Variants in TRAPPC9 observed in about 807,000 individuals in gnomAD.
TRAPPC9 encodes IKK2 binding protein.
A neutral mutation model predicts 124.0 loss-of-function variants in TRAPPC9; 83 were observed. The observed-to-expected ratio is 0.67, with a 90% CI of 0.56 to 0.80. TRAPPC9 has a LOEUF of 0.80. Among genes scored for constraint, TRAPPC9 ranks in the 30% least tolerant of loss-of-function variants. TRAPPC9 has a pLI of 0.00. For synonymous variants in TRAPPC9, 638 were observed against 617.5 expected (o/e 1.03, Z -0.49); for missense variants, 1,302 against 1,508.3 (o/e 0.86, Z 2.27).
At chr8:139,866,559 T>C (rs898858128) in intron 21 of TRAPPC9, among the ~76,000 whole-genome samples, 4 of 152,108 alleles carry the variant, frequency 2.6e-5, no homozygotes, top group African/African-American at 9.7e-5. Context: ...GGGATGGAGA[T>C]GGCAGATTGG....
At chr8:140,038,585 G>A (rs563382941) in intron 17 of TRAPPC9, among the ~76,000 whole-genome samples, 5 of 152,344 alleles carry the variant, frequency 3.3e-5, no homozygotes, top group African/African-American at 7.2e-5. Context: ...TCTAGATGGC[G>A]ATCAAGTGGC....
rs138097412 is a variant in TRAPPC9, at chr8:140,363,126, G to A, written c.1352-2933C>T. On this transcript the variant is annotated intron_variant, in intron 8 of 22. Coordinates refer to ENST00000438773, the MANE Select transcript of TRAPPC9 (RefSeq NM_001160372.4). ...CTATTGCCTTTTAGCAAATCCATCT[G>A]CCTTAGCAGTCTCTTTCTTTCATAA... 4.9e-3 allele frequency among the ~76,000 whole-genome samples: 748 copies of A among 152,298 alleles called. 1 individual carries two copies. Among genetic ancestry groups the A allele is most frequent in the Non-Finnish European group, 7.2e-3 (488 of 68,036 alleles).
chr8:140,167,100 G>A (rs1755712405), intron 17 of TRAPPC9, among the ~76,000 whole-genome samples: 1 of 151,598 alleles, frequency 6.6e-6, no homozygotes. Flanking sequence ...AATGGTACCA[G>A]GTCACACAGG....
intron 4 of TRAPPC9, among the ~76,000 whole-genome samples, chr8:140,432,619 T>A (rs2132588075): frequency 6.6e-6 from 1 of 152,344 alleles, no homozygotes; most frequent in East Asian, 1.9e-4. Context: ...ACGCCTGTAA[T>A]CCCAGCACTT....
chr8:140,276,438 G>A (rs1168499057), intron 14 of TRAPPC9, among the ~76,000 whole-genome samples: 3 of 152,162 alleles, frequency 2.0e-5, no homozygotes. Context: ...CACCAGTCAG[G>A]TGAGGCCCTG....
intron 21 of TRAPPC9, among the ~76,000 whole-genome samples, chr8:139,867,510 A>G (rs947797811): frequency 1.3e-5 from 2 of 152,234 alleles, no homozygotes; most frequent in Non-Finnish European, 2.9e-5. Context: ...CTTAGTAACA[A>G]CAAAGAGACA....
At chr8:140,180,874 C>G (rs2131007342) in intron 17 of TRAPPC9, among the ~76,000 whole-genome samples, 1 of 152,188 alleles carries the variant, frequency 6.6e-6, no homozygotes, top group South Asian at 2.1e-4. Context: ...GTGTGTGTGT[C>G]CATCCTGACT....
chr8:140,449,592 T>C (rs1008333180), intron 2 of TRAPPC9, among the ~76,000 whole-genome samples: 1 of 152,242 alleles, frequency 6.6e-6, no homozygotes, highest in Non-Finnish European at 1.5e-5. Flanking sequence ...ACACTCCTTG[T>C]ACACAGAGAG....
chr8:140,251,785 G>A (rs1271296764), intron 16 of TRAPPC9, among the ~76,000 whole-genome samples: 5 of 152,166 alleles, frequency 3.3e-5, no homozygotes, highest in African/African-American at 1.2e-4. Context: ...TCTCCTCCAC[G>A]TGGAGACGCA....
intron 19 of TRAPPC9, among the ~76,000 whole-genome samples, chr8:139,945,543 C>CAAAAAAAAAAAAAAAAA (rs61528944): frequency 9.1e-5 from 6 of 66,168 alleles, no homozygotes; most frequent in Non-Finnish European, 1.2e-4. Context: ...GCACAATTAG[C>CAAAAAAAAAAAAAAAAA]AAAAAAAAAA....
intron 21 of TRAPPC9, among the ~76,000 whole-genome samples, chr8:139,809,497 T>C (rs1330944532): frequency 6.6e-6 from 1 of 152,092 alleles, no homozygotes; most frequent in Admixed American, 6.5e-5. Flanking sequence ...CGGGTGTAAA[T>C]CTCACTGAAG....
At chr8:140,219,700 G>A (rs2063290092) in intron 17 of TRAPPC9, among the ~76,000 whole-genome samples, 1 of 152,142 alleles carries the variant, frequency 6.6e-6, no homozygotes, top group African/African-American at 2.4e-5. Flanking sequence ...AAACCCTGCT[G>A]TCTCCATGTC....
intron 21 of TRAPPC9, among the ~76,000 whole-genome samples, chr8:139,812,657 A>G (rs950191411): frequency 2.0e-5 from 3 of 152,198 alleles, no homozygotes; most frequent in Non-Finnish European, 1.5e-5. Context: ...TTAAAGAAAA[A>G]TGTTAATGAG....
Position 140,371,125 on chromosome 8 carries a change from A to G in TRAPPC9, c.1190T>C (p.Leu397Pro), listed in dbSNP as rs1378198340. 3.1e-6 allele frequency: 5 copies of G among 1,614,184 alleles called. No individual in the cohort carries two copies. In the South Asian group the frequency reaches 5.5e-5, roughly 18 times the overall value. ...CGCAGACTTGCGATGGAAGCCGATC[A>G]GCTCATAGAGCTCGGAGAGGATGCT... ...RYSILSELYE[L>P]IGFHRKSAFF... Residue 397 changes from leucine to proline, a missense_variant, in exon 8 of 23, where the codon CTG becomes CCG. This residue lies in a region of TRAPPC9 where 657 missense variants were observed against 811.2 expected (regional missense o/e 0.81). Coordinates refer to ENST00000438773, the MANE Select transcript of TRAPPC9 (RefSeq NM_001160372.4).
At chr8:140,251,051 T>C (rs906663015) in intron 16 of TRAPPC9, among the ~76,000 whole-genome samples, 1 of 152,112 alleles carries the variant, frequency 6.6e-6, no homozygotes, top group African/African-American at 2.4e-5. Flanking sequence ...GCACTGAACA[T>C]GCAAATTCAA....
At position 139,804,669 on chromosome 8, in the gene TRAPPC9, GCACCACCACCACACACAACCACCACCACC is replaced by G. The variant is rs1347261044; in HGVS notation, c.3056-72496_3056-72468del. Among the ~76,000 whole-genome samples the G allele has an allele frequency of 1.3e-4, 4 of 29,634 alleles. No homozygotes were observed. The South Asian group carries it at 4.9e-3, about 36-fold the overall frequency. 19.4% of individuals were successfully genotyped at this position (29,634 alleles called of 152,430 possible). A position where few individuals can be genotyped will look rare whatever the true frequency, so the allele number is the denominator to read the frequency against. ...CGCCACCACCCACCACCGCCACCAA[GCACCACCACCACACACAACCACCACCACC>G]CACCACCACCACCCACCACCGGCAC... On this transcript the variant is annotated intron_variant, in intron 21 of 22. Coordinates refer to ENST00000438773, the MANE Select transcript of TRAPPC9 (RefSeq NM_001160372.4).
intron 21 of TRAPPC9, among the ~76,000 whole-genome samples, chr8:139,763,029 C>T (rs1260010734): frequency 2.0e-5 from 3 of 152,156 alleles, no homozygotes; most frequent in African/African-American, 4.8e-5. Flanking sequence ...AAGTGGGGTA[C>T]GGGTCTCTGC....
intron 19 of TRAPPC9, among the ~76,000 whole-genome samples, chr8:139,961,087 C>T (rs2131560623): frequency 8.0e-6 from 1 of 124,966 alleles, no homozygotes; most frequent in African/African-American, 2.5e-5. Flanking sequence ...GATCCCAACA[C>T]AGAACGTCCT....
At position 140,358,753 on chromosome 8, in the gene TRAPPC9, G is replaced by A. The variant is rs552132371; in HGVS notation, c.1495+1297C>T. On this transcript the variant is annotated intron_variant, in intron 9 of 22. Coordinates refer to ENST00000438773, the MANE Select transcript of TRAPPC9 (RefSeq NM_001160372.4). ...GCAGCAGTGACGGCACAGCACTGCA[G>A]GGGGCAGTAATGAGTCGCCCAGACG... Among the ~76,000 whole-genome samples the A allele has an allele frequency of 9.8e-5, 15 of 152,348 alleles. No individual in the cohort carries two copies. In the South Asian group the frequency reaches 3.1e-3, roughly 32 times the overall value.
Sources: gnomAD v4.1 joint callset for allele counts (sites outside exome capture counted in the v4.1 genomes callset) on GRCh38, gnomAD v4.1.1 for gene constraint, gnomAD v4.1.1 regional missense constraint, MANE v1.5 for transcripts, NCBI Gene and HGNC (gene_info 2026-07-23, HGNC 2026-07-21) for gene names.